Variants in LIN9 observed in about 807,000 individuals in gnomAD.
LIN9 encodes lin-9 DREAM MuvB core complex component.
In LIN9, 18 loss-of-function variants were observed where a neutral mutation model predicts 78.0. That is an observed-to-expected ratio of 0.23 (90% CI 0.16 to 0.34). LIN9 has a LOEUF of 0.34. LIN9 is among the 10% of genes least tolerant of loss of function. LIN9 has a pLI of 1.00. For synonymous variants in LIN9, 192 were observed against 215.2 expected (o/e 0.89, Z 0.94); for missense variants, 451 against 644.1 (o/e 0.70, Z 3.25).
At chr1:226,261,400 A>G (rs547534681) in intron 10 of LIN9, among the ~76,000 whole-genome samples, 1 of 152,248 alleles carries the variant, frequency 6.6e-6, no homozygotes, top group South Asian at 2.1e-4. Context: ...GAAATGAGAA[A>G]AAAAAAAAAT....
At chr1:226,276,064 A>G (rs185052414) in intron 7 of LIN9, among the ~76,000 whole-genome samples, 7 of 152,288 alleles carry the variant, frequency 4.6e-5, no homozygotes, top group Admixed American at 3.9e-4. Context: ...ACAACACACA[A>G]AACAGCTCTA....
rs1659890362 is a variant in LIN9, at chr1:226,266,140, G to A, written c.936+73C>T. The A allele has an allele frequency of 7.8e-6, 8 of 1,027,830 alleles. No homozygotes were observed. The South Asian group carries it at 1.4e-4, about 19-fold the overall frequency. 63.7% of individuals were successfully genotyped at this position (1,027,830 alleles called of 1,614,324 possible). A position where few individuals can be genotyped will look rare whatever the true frequency, so the allele number is the denominator to read the frequency against. ...ATACTTTGAAGTTGCTGTAATAGAT[G>A]TGTATTTCTTAAGAACATAGTTCAC... On this transcript the variant is annotated intron_variant, in intron 9 of 14. Coordinates refer to ENST00000681046, the MANE Select transcript of LIN9 (RefSeq NM_001366245.2).
chr1:226,252,318 A>AAATAAATAAATAAATAAATG (rs377430075), intron 10 of LIN9, among the ~76,000 whole-genome samples: 11 of 135,918 alleles, frequency 8.1e-5, no homozygotes, highest in African/African-American at 2.8e-4. Context: ...ATAAATAAAT[A>AAATAAATAAATAAATAAATG]AATGAATGAA....
At chr1:226,309,728 C>G (rs1663183913), upstream of LIN9, 4 of 1,287,780 alleles carry the variant, frequency 3.1e-6, no homozygotes, top group Non-Finnish European at 4.1e-6. Context: ...GGGACTCGGT[C>G]CCAGCGGCCC....
intron 10 of LIN9, 143 bp from the exon 11 acceptor site, chr1:226,251,062 G>T: frequency 2.1e-6 from 1 of 480,266 alleles, no homozygotes; most frequent in Non-Finnish European, 3.6e-6. Flanking sequence ...GCATTGTTTT[G>T]GTTTTTTTTT....
At chr1:226,302,547 CAAAA>C in intron 1 of LIN9, among the ~76,000 whole-genome samples, 1 of 79,138 alleles carries the variant, frequency 1.3e-5, no homozygotes, top group South Asian at 3.6e-4. Flanking sequence ...ACTCCATGTC[CAAAA>C]AAAAAAAAAA....
chr1:226,277,725 C>T (rs745567476), intron 7 of LIN9, 50 bp downstream of exon 7: 2 of 1,500,200 alleles, frequency 1.3e-6, no homozygotes, highest in South Asian at 2.4e-5. Context: ...AAAAGATTAC[C>T]TTGATTAAAA....
chr1:226,303,013 A>C (rs1662663092), intron 1 of LIN9, among the ~76,000 whole-genome samples: 1 of 152,236 alleles, frequency 6.6e-6, no homozygotes, highest in Non-Finnish European at 1.5e-5. Flanking sequence ...AGTTAACAGG[A>C]CACCATAAAA....
At chr1:226,301,774 G>T (rs1285859595) in intron 1 of LIN9, among the ~76,000 whole-genome samples, 6 of 152,184 alleles carry the variant, frequency 3.9e-5, no homozygotes, top group Non-Finnish European at 8.8e-5. Flanking sequence ...ACAAACTCCA[G>T]TGTACATTAG....
intron 11 of LIN9, among the ~76,000 whole-genome samples, chr1:226,240,476 C>A (rs1344786603): frequency 6.6e-6 from 1 of 151,740 alleles, no homozygotes; most frequent in African/African-American, 2.4e-5. Flanking sequence ...ACAACCTCTG[C>A]CTCCTAAGCT....
chr1:226,295,388 G>C (rs1220917016), intron 4 of LIN9, among the ~76,000 whole-genome samples: 2 of 152,068 alleles, frequency 1.3e-5, no homozygotes, highest in East Asian at 3.9e-4. Flanking sequence ...GGCAAAAGTA[G>C]CAGTAAGCCG....
intron 2 of LIN9, among the ~76,000 whole-genome samples, chr1:226,298,469 A>C (rs1410413590): frequency 6.6e-6 from 1 of 152,212 alleles, no homozygotes; most frequent in East Asian, 1.9e-4. Context: ...CAGTGTCTCA[A>C]AGTGTTGAGA....
chr1:226,306,559 A>C (rs1435604571), intron 1 of LIN9, among the ~76,000 whole-genome samples: 1 of 152,226 alleles, frequency 6.6e-6, no homozygotes, highest in Non-Finnish European at 1.5e-5. Context: ...ATCTGGGCTG[A>C]AGATAGCCTT....
chr1:226,269,609 G>A (rs1660136811), intron 7 of LIN9, among the ~76,000 whole-genome samples: 1 of 152,114 alleles, frequency 6.6e-6, no homozygotes, highest in African/African-American at 2.4e-5. Flanking sequence ...TATTAGTTCA[G>A]GGTTGGTCAC....
At chr1:226,273,675 A>G (rs1465049266) in intron 7 of LIN9, among the ~76,000 whole-genome samples, 1 of 152,062 alleles carries the variant, frequency 6.6e-6, no homozygotes, top group Non-Finnish European at 1.5e-5. Flanking sequence ...AACTTGTCAG[A>G]CATGCAAATT....
At chr1:226,269,134 T>G (rs1222614347) in intron 7 of LIN9, among the ~76,000 whole-genome samples, 1 of 152,228 alleles carries the variant, frequency 6.6e-6, no homozygotes, top group African/African-American at 2.4e-5. Flanking sequence ...TAATACATTT[T>G]ATACTAACCA....
rs115115662 is a variant in LIN9, at chr1:226,293,372, C to G, written c.264+2470G>C. Among the ~76,000 whole-genome samples the G allele has an allele frequency of 1.1e-3, 166 of 152,272 alleles. 1 individual carries two copies. Among genetic ancestry groups the G allele is most frequent in the African/African-American group, 3.6e-3 (150 of 41,542 alleles). On this transcript the variant is annotated intron_variant, in intron 4 of 14. Transcript: ENST00000681046. The stretch of plus-strand genomic sequence containing the variant: ...GGCAGTGGATAGAGTTGCGACAGGA[C>G]AGTGTCACAGTCATAAAGATCAGTT...
At chr1:226,294,566 T>C (rs913826660) in intron 4 of LIN9, among the ~76,000 whole-genome samples, 3 of 150,148 alleles carry the variant, frequency 2.0e-5, no homozygotes, top group Admixed American at 2.0e-4. Context: ...AGCAAAACTC[T>C]GTCTCAAAAA....
At position 226,292,526 on chromosome 1, in the gene LIN9, A is replaced by T. The variant is rs576008466; in HGVS notation, c.264+3316T>A. 2.3e-3 allele frequency among the ~76,000 whole-genome samples: 357 copies of T among 152,262 alleles called. 1 individual carries two copies. The highest frequency in any genetic ancestry group is 3.6e-3 in the Non-Finnish European group (243 of 68,016). ...GGCTGGACTGTAGTGGTCTGATCAT[A>T]GCTCACTACAGCCTCAATCTCCTGG... is the stretch of plus-strand genomic sequence containing the variant. On this transcript the variant is annotated intron_variant, in intron 4 of 14. Transcript: ENST00000681046.
Sources: allele counts gnomAD v4.1 joint callset (sites outside exome capture counted in the v4.1 genomes callset), GRCh38; gene constraint gnomAD v4.1.1; transcripts MANE v1.5; gene names NCBI Gene and HGNC (gene_info 2026-07-23, HGNC 2026-07-21).